FKBP6: variants seen among roughly 807,000 people sequenced by gnomAD.
FKBP6 encodes inactive peptidyl-prolyl cis-trans isomerase FKBP6.
In FKBP6, 29 loss-of-function variants were observed where a neutral mutation model predicts 41.7. That is an observed-to-expected ratio of 0.70 (90% CI 0.52 to 0.95). The LOEUF (loss-of-function observed/expected upper bound fraction) is 0.95, where lower values mean the gene tolerates loss of function less well. Among genes scored for constraint, FKBP6 ranks in the 40% least tolerant of loss-of-function variants. The pLI is 0.00. For synonymous variants in FKBP6, 130 were observed against 165.1 expected, an observed-to-expected ratio of 0.79 and a Z score of 1.63; for missense variants, 338 against 408.7, an observed-to-expected ratio of 0.83 and a Z score of 1.49.
At chr7:73,331,614 G>T in intron 4 of FKBP6, 43 bp from the exon 5 acceptor site, 2 of 1,612,528 alleles carry the variant, frequency 1.2e-6, no homozygotes, top group Non-Finnish European at 1.7e-6. Context: ...TGGCATTACT[G>T]CTTTTGGTTT....
intron 8 of FKBP6, among the ~76,000 whole-genome samples, chr7:73,355,679 T>C (rs899939120): frequency 6.6e-6 from 1 of 151,964 alleles, no homozygotes; most frequent in Non-Finnish European, 1.5e-5. Context: ...TCACTACCCA[T>C]GTATCATTAC....
At chr7:73,351,160 A>G (rs1457446896) in intron 8 of FKBP6, among the ~76,000 whole-genome samples, 1 of 152,056 alleles carries the variant, frequency 6.6e-6, no homozygotes, top group Non-Finnish European at 1.5e-5. Flanking sequence ...GCTCACTGCA[A>G]CGTTCGCCAC....
At chr7:73,344,742 G>A (rs781904521) in intron 8 of FKBP6, among the ~76,000 whole-genome samples, 12 of 152,000 alleles carry the variant, frequency 7.9e-5, no homozygotes, top group African/African-American at 1.9e-4. Flanking sequence ...GAGCCACCAC[G>A]CCTGGCTAAT....
chr7:73,340,519 T>C, intron 5 of FKBP6, 119 bp from the exon 6 acceptor site: 1 of 770,552 alleles, frequency 1.3e-6, no homozygotes, highest in South Asian at 1.4e-5. Context: ...ATGTTGATCT[T>C]GTGTCTTGCA....
At position 73,328,308 on chromosome 7, in the gene FKBP6, G is replaced by T; in HGVS notation, c.-121G>T. The T allele has an allele frequency of 6.5e-7, 1 of 1,549,228 alleles. No individual in the cohort carries two copies. The highest frequency in any genetic ancestry group is 8.7e-7 in the Non-Finnish European group (1 of 1,146,574). On this transcript the variant is annotated 5_prime_UTR_variant, in exon 1 of 9. Transcript: ENST00000252037. ...CCTCGTGGCCCCAGAATGGAATGCC[G>T]CCGTCGGTAGGGGTCTGCCGGGCAT... is the stretch of plus-strand genomic sequence containing the variant.
At chr7:73,351,784 T>C (rs1187753872) in intron 8 of FKBP6, among the ~76,000 whole-genome samples, 1 of 152,186 alleles carries the variant, frequency 6.6e-6, no homozygotes, top group African/African-American at 2.4e-5. Flanking sequence ...AGCTACTAAG[T>C]TCAATCCTGG....
At chr7:73,344,834 C>T (rs1474750963) in intron 8 of FKBP6, among the ~76,000 whole-genome samples, 1 of 152,226 alleles carries the variant, frequency 6.6e-6, no homozygotes. Flanking sequence ...GTCCTCCCGC[C>T]TTGGCCTCCC....
At chr7:73,351,091 A>AT (rs1423190040) in intron 8 of FKBP6, among the ~76,000 whole-genome samples, 2 of 151,796 alleles carry the variant, frequency 1.3e-5, no homozygotes, top group African/African-American at 2.4e-5. Flanking sequence ...TTTTTCCTTA[A>AT]TTTTTTTAGA....
intron 8 of FKBP6, among the ~76,000 whole-genome samples, chr7:73,343,911 G>C (rs150064043): frequency 6.6e-6 from 1 of 152,196 alleles, no homozygotes; most frequent in African/African-American, 2.4e-5. Context: ...GGCTTGAGAG[G>C]AGGAGGCAGT....
chr7:73,351,496 C>T (rs2115962845), intron 8 of FKBP6, among the ~76,000 whole-genome samples: 1 of 152,264 alleles, frequency 6.6e-6, no homozygotes, highest in Admixed American at 6.5e-5. Context: ...GTGACCTGGG[C>T]TCTTAATCTT....
rs1008908510 is a variant in FKBP6, at chr7:73,348,773, C to T, written c.*2+5874C>T. Among the ~76,000 whole-genome samples the T allele has an allele frequency of 2.0e-5, 3 of 152,164 alleles. No individual in the cohort carries two copies. In the East Asian group the frequency reaches 5.8e-4, roughly 29 times the overall value. Reference sequence around the variant, plus strand: ...AATGGTGCTCAGAACTCAGAAACACCTACTTATAGTCACTAGTTTATTACA... The same window carrying T: ...AATGGTGCTCAGAACTCAGAAACACTTACTTATAGTCACTAGTTTATTACA... On this transcript the variant is annotated intron_variant, in intron 8 of 8. Transcript: ENST00000252037.
chr7:73,348,303 C>T (rs180780714), intron 8 of FKBP6, among the ~76,000 whole-genome samples: 2 of 152,172 alleles, frequency 1.3e-5, no homozygotes, highest in African/African-American at 2.4e-5. Context: ...ACCTTTCCCC[C>T]CCTTCTTTGA....
At chr7:73,335,272 C>T (rs892277016) in intron 5 of FKBP6, among the ~76,000 whole-genome samples, 3 of 152,120 alleles carry the variant, frequency 2.0e-5, no homozygotes, top group Admixed American at 2.0e-4. Context: ...AGAGACATCA[C>T]AAAGCTGATT....
chr7:73,357,269 G>GTTTTTTTTTTTTTT (rs11430645), intron 8 of FKBP6, among the ~76,000 whole-genome samples: 1 of 96,818 alleles, frequency 1.0e-5, no homozygotes, highest in Non-Finnish European at 2.0e-5. Context: ...GTTTGGTTTG[G>GTTTTTTTTTTTTTT]TTTTTTTTTT....
At chr7:73,328,772 C>G in intron 2 of FKBP6, 80 bp downstream of exon 2, 2 of 1,608,508 alleles carry the variant, frequency 1.2e-6, no homozygotes, top group Non-Finnish European at 1.7e-6. Flanking sequence ...TTTCAAAAAG[C>G]ACTTAATGGG....
chr7:73,342,542 C>A (rs970788740), intron 7 of FKBP6, among the ~76,000 whole-genome samples: 3 of 152,162 alleles, frequency 2.0e-5, no homozygotes, highest in African/African-American at 7.2e-5. Context: ...AGACTCAGCC[C>A]GGAGCCTGGT....
At chr7:73,341,821 A>G (rs1289967258) in intron 7 of FKBP6, among the ~76,000 whole-genome samples, 1 of 151,746 alleles carries the variant, frequency 6.6e-6, no homozygotes, top group Non-Finnish European at 1.5e-5. Context: ...GTACCACCAC[A>G]TCTGGCTAAT....
At position 73,336,116 on chromosome 7, in the gene FKBP6, C is replaced by T. The variant is rs2282864; in HGVS notation, c.588+4340C>T. Among the ~76,000 whole-genome samples the T allele has an allele frequency of 1.2e-4, 19 of 152,182 alleles. 1 individual carries two copies. The East Asian group carries it at 3.7e-3, about 29-fold the overall frequency. On this transcript the variant is annotated intron_variant, in intron 5 of 8. Coordinates refer to ENST00000252037, the MANE Select transcript of FKBP6 (RefSeq NM_003602.5). Reference sequence around the variant, plus strand: ...ACCTATGGTCTGAATGTTTGTGTCTCCCCAAAATGTGTATGTTGAAACCTA... The same window carrying T: ...ACCTATGGTCTGAATGTTTGTGTCTTCCCAAAATGTGTATGTTGAAACCTA...
At chr7:73,337,521 C>G (rs1222915655) in intron 5 of FKBP6, among the ~76,000 whole-genome samples, 6 of 151,774 alleles carry the variant, frequency 4.0e-5, no homozygotes, top group African/African-American at 1.5e-4. Flanking sequence ...TCCATGTTGG[C>G]CAGGCTGATC....
Sources: allele counts gnomAD v4.1 joint callset (sites outside exome capture counted in the v4.1 genomes callset), GRCh38; gene constraint gnomAD v4.1.1; transcripts MANE v1.5; gene names NCBI Gene and HGNC (gene_info 2026-07-23, HGNC 2026-07-21).